Variants in TCF4 observed in about 807,000 individuals in gnomAD.
TCF4 encodes SL3-3 enhancer factor 2.
In TCF4, 3 loss-of-function variants were observed where a neutral mutation model predicts 82.1. That is an observed-to-expected ratio of 0.04 (90% CI 0.02 to 0.09). The LOEUF (loss-of-function observed/expected upper bound fraction) is 0.09, where lower values mean the gene tolerates loss of function less well. Among genes scored for constraint, TCF4 ranks in the 10% least tolerant of loss-of-function variants. The pLI, the probability that TCF4 is intolerant of heterozygous loss-of-function variation, is 1.00. For synonymous variants in TCF4, 276 were observed against 309.6 expected (o/e 0.89, Z 1.14); for missense variants, 518 against 852.7 (o/e 0.61, Z 4.89).
intron 3 of TCF4, among the ~76,000 whole-genome samples, chr18:55,567,436 G>A (rs1240417365): frequency 4.6e-5 from 7 of 152,266 alleles, no homozygotes; most frequent in South Asian, 2.1e-4. Flanking sequence ...GGCAGATTTC[G>A]AATATTAGCA....
intron 2 of TCF4, among the ~76,000 whole-genome samples, chr18:55,600,519 T>C (rs988216538): frequency 6.6e-6 from 1 of 152,206 alleles, no homozygotes; most frequent in Non-Finnish European, 1.5e-5. Flanking sequence ...ACCGTACACA[T>C]GGACTCCAAT....
intron 5 of TCF4, among the ~76,000 whole-genome samples, chr18:55,413,127 G>T (rs751741861): frequency 6.6e-6 from 1 of 150,676 alleles, no homozygotes; most frequent in Admixed American, 6.6e-5. Flanking sequence ...TCAAAAGAAT[G>T]GGGGGGGACA....
rs114435270 is a variant in TCF4 at position 55,413,513 on chromosome 18, G to T, written c.305-9995C>A. Among the ~76,000 whole-genome samples, 154 of 152,224 alleles carry T rather than the reference G, an allele frequency of 1.0e-3. 1 individual carries two copies. The highest frequency in any genetic ancestry group is 3.5e-3 in the African/African-American group (147 of 41,540). ...TAATAATAACCAAACTGCCAGATAC[G>T]CAGGGCCACACTCCCCAGAGTCCAA... On this transcript the variant is annotated intron_variant, in intron 5 of 19. Coordinates refer to ENST00000354452, the MANE Select transcript of TCF4 (RefSeq NM_001083962.2).
In TCF4 at chr18:55,277,603, T is replaced by G. The variant is rs1487845473; in HGVS notation, c.656-1851A>C. Among the ~76,000 whole-genome samples the G allele has an allele frequency of 2.9e-3, 3 of 1,046 alleles. No homozygotes were observed. In the Admixed American group the frequency reaches 0.05, roughly 17 times the overall value. 0.7% of individuals were successfully genotyped at this position (1,046 alleles called of 152,430 possible). On this transcript the variant is annotated intron_variant, in intron 9 of 19. Transcript: ENST00000354452. The stretch of plus-strand genomic sequence containing the variant: ...GTGCTCATCAAAAATGTCAACTCAA[T>G]TTTTTTTTTTTTTTTTTGCTTTTCG...
intron 6 of TCF4, among the ~76,000 whole-genome samples, chr18:55,360,817 T>A (rs2084951227): frequency 7.1e-6 from 1 of 141,280 alleles, no homozygotes; most frequent in Non-Finnish European, 1.5e-5. Context: ...AACCTCCAAC[T>A]CCCAGGTTCA....
At chr18:55,284,550 T>A (rs1023061715) in intron 8 of TCF4, 1 of 152,238 alleles carries the variant, frequency 6.6e-6, no homozygotes, top group Non-Finnish European at 1.5e-5. Flanking sequence ...TCATATCACA[T>A]CACCATGTGT....
intron 3 of TCF4, among the ~76,000 whole-genome samples, chr18:55,511,042 T>C (rs553614299): frequency 6.6e-6 from 1 of 152,296 alleles, no homozygotes; most frequent in East Asian, 1.9e-4. Flanking sequence ...GAGATGTTTG[T>C]AAATTTCCTT....
chr18:55,441,393 A>G (rs539729874), intron 5 of TCF4, among the ~76,000 whole-genome samples: 1 of 152,362 alleles, frequency 6.6e-6, no homozygotes, highest in African/African-American at 2.4e-5. Flanking sequence ...TATATTCAGT[A>G]CATTCACGAT....
At chr18:55,366,080 A>G in intron 6 of TCF4, among the ~76,000 whole-genome samples, 1 of 152,142 alleles carries the variant, frequency 6.6e-6, no homozygotes, top group East Asian at 1.9e-4. Flanking sequence ...TTATAATTCT[A>G]AATCTTCTAT....
chr18:55,503,153 T>C (rs1368030923), intron 3 of TCF4, among the ~76,000 whole-genome samples: 1 of 152,208 alleles, frequency 6.6e-6, no homozygotes, highest in Non-Finnish European at 1.5e-5. Flanking sequence ...ACCGCTAAAA[T>C]AAAAGTGATC....
chr18:55,594,514 A>T (rs2097688899), intron 2 of TCF4, among the ~76,000 whole-genome samples: 1 of 152,172 alleles, frequency 6.6e-6, no homozygotes, highest in African/African-American at 2.4e-5. Context: ...TACCCTCAAG[A>T]TGCACACTTT....
At chr18:55,566,123 G>C (rs2147422722) in intron 3 of TCF4, among the ~76,000 whole-genome samples, 1 of 152,150 alleles carries the variant, frequency 6.6e-6, no homozygotes, top group East Asian at 1.9e-4. Flanking sequence ...TGAGGCAGGA[G>C]AATGGTGTGA....
chr18:55,253,921 A>G (rs1259372686), intron 15 of TCF4, among the ~76,000 whole-genome samples: 1 of 152,230 alleles, frequency 6.6e-6, no homozygotes, highest in Non-Finnish European at 1.5e-5. Flanking sequence ...CAAGGGAAAC[A>G]TGTGTCTGCA....
chr18:55,476,101 A>G (rs935120104), intron 3 of TCF4, among the ~76,000 whole-genome samples: 4 of 152,202 alleles, frequency 2.6e-5, no homozygotes, highest in African/African-American at 4.8e-5. Context: ...GCACTTCCCA[A>G]TTAAATTCAA....
Position 55,226,319 on chromosome 18 carries a change from A to C in TCF4, c.*1716T>G, listed in dbSNP as rs1469935884. The C allele has an allele frequency of 6.6e-6, 1 of 152,532 alleles. No individual in the cohort carries two copies. Among genetic ancestry groups the C allele is most frequent in the Non-Finnish European group, 1.5e-5 (1 of 68,002 alleles). 9.4% of individuals were successfully genotyped at this position (152,532 alleles called of 1,614,324 possible). Reference sequence around the variant, plus strand: ...TGCCAAGAATTGTGTGGCTGTAAAAATAGAAACAAGTTAGAGACAAAAGGA... The same window carrying C: ...TGCCAAGAATTGTGTGGCTGTAAAACTAGAAACAAGTTAGAGACAAAAGGA... On this transcript the variant is annotated 3_prime_UTR_variant, in exon 20 of 20. Transcript: ENST00000354452.
rs572564393 is a variant in TCF4, at chr18:55,574,788, A to T, written c.145+10492T>A. Reference sequence around the variant, plus strand: ...ACTATAACTTGTATCTTGGCTCTCAAAAAAAAAAAAACTTTCACTGAATGA... The same window carrying T: ...ACTATAACTTGTATCTTGGCTCTCATAAAAAAAAAAACTTTCACTGAATGA... On this transcript the variant is annotated intron_variant, in intron 3 of 19. Transcript: ENST00000354452. Among the ~76,000 whole-genome samples the T allele has an allele frequency of 6.2e-3, 929 of 149,938 alleles. 11 individuals are homozygous for T. Among genetic ancestry groups the T allele is most frequent in the African/African-American group, 0.022 (895 of 41,262 alleles).
intron 2 of TCF4, among the ~76,000 whole-genome samples, chr18:55,597,792 T>C (rs1187627535): frequency 6.6e-6 from 1 of 152,162 alleles, no homozygotes; most frequent in Admixed American, 6.5e-5. Context: ...ATATATCTAA[T>C]CTGGATTTTA....
At chr18:55,566,252 A>G (rs1372589859) in intron 3 of TCF4, among the ~76,000 whole-genome samples, 1 of 151,936 alleles carries the variant, frequency 6.6e-6, no homozygotes, top group East Asian at 1.9e-4. Flanking sequence ...AAAAATAAAA[A>G]TGTATAGACA....
intron 8 of TCF4, among the ~76,000 whole-genome samples, chr18:55,287,910 G>A (rs1201348445): frequency 6.6e-6 from 1 of 151,954 alleles, no homozygotes; most frequent in Non-Finnish European, 1.5e-5. Context: ...AAAATGAGTT[G>A]GTAGCCTTTG....
Sources: gnomAD v4.1 joint callset for allele counts (sites outside exome capture counted in the v4.1 genomes callset) on GRCh38, gnomAD v4.1.1 for gene constraint, MANE v1.5 for transcripts, NCBI Gene and HGNC (gene_info 2026-07-23, HGNC 2026-07-21) for gene names.